CACNA1C: variants seen among roughly 807,000 people sequenced by gnomAD.
CACNA1C encodes calcium voltage-gated channel subunit alpha1 C.
In CACNA1C, 30 loss-of-function variants were observed where a neutral mutation model predicts 229.0. The observed-to-expected ratio is 0.13, with a 90% CI of 0.10 to 0.18. The LOEUF (loss-of-function observed/expected upper bound fraction) is 0.18, where lower values mean the gene tolerates loss of function less well. Ranked by LOEUF, CACNA1C falls within the 10% of genes least tolerant of loss-of-function variation. CACNA1C has a pLI of 1.00. For missense variants in CACNA1C, 1,658 were observed against 2,845.0 expected (o/e 0.58, Z 9.49); for synonymous variants, 1,114 against 1,132.5 (o/e 0.98, Z 0.33).
At chr12:2,579,885 A>G (rs1485656811) in intron 13 of CACNA1C, among the ~76,000 whole-genome samples, 1 of 152,206 alleles carries the variant, frequency 6.6e-6, no homozygotes, top group African/African-American at 2.4e-5. Flanking sequence ...AGCCACCACC[A>G]TGCCCAGCCA....
At chr12:2,272,427 G>A (rs2085487737) in intron 3 of CACNA1C, among the ~76,000 whole-genome samples, 2 of 152,032 alleles carry the variant, frequency 1.3e-5, no homozygotes, top group South Asian at 4.2e-4. Context: ...TGTCTGCCTC[G>A]TATCATCAGT....
chr12:2,606,744 G>A (rs2075558133), intron 25 of CACNA1C, 81 bp downstream of exon 25: 1 of 1,296,534 alleles, frequency 7.7e-7, no homozygotes, highest in Non-Finnish European at 1.1e-6. Flanking sequence ...AGGAGGGACA[G>A]CTCATTTTCT....
At chr12:2,674,691 C>T in intron 39 of CACNA1C, 49 bp downstream of exon 39, 1 of 1,497,574 alleles carries the variant, frequency 6.7e-7, no homozygotes, top group Non-Finnish European at 9.0e-7. Flanking sequence ...TGGCCGTGCC[C>T]CCCTCTGCCT....
chr12:2,062,711 C>T (rs2057941163), intron 1 of CACNA1C, among the ~76,000 whole-genome samples: 1 of 152,310 alleles, frequency 6.6e-6, no homozygotes, highest in Admixed American at 6.5e-5. Flanking sequence ...TCCTCACAGG[C>T]CTTCACAGAC....
At chr12:2,278,207 A>G (rs1392414044) in intron 3 of CACNA1C, among the ~76,000 whole-genome samples, 3 of 152,256 alleles carry the variant, frequency 2.0e-5, no homozygotes, top group Admixed American at 6.5e-5. Context: ...TACAATTTTC[A>G]TACATAAGAT....
At position 2,486,797 on chromosome 12, in the gene CACNA1C, AG is replaced by A. The variant is rs1461874471; in HGVS notation, c.916+536del. ...CTCCATTCACAGGCAGATGCCCCAG[AG>A]CCCCTATTCCAGGTGGGGGAGGAGG... On this transcript the variant is annotated intron_variant, in intron 6 of 46. Transcript: ENST00000399655. The surrounding 1 kb of genome is among the most constrained non-coding windows in gnomAD (Gnocchi z 4.9). Among the ~76,000 whole-genome samples the A allele has an allele frequency of 1.3e-5, 2 of 152,166 alleles. No individual in the cohort carries two copies. The highest frequency in any genetic ancestry group is 4.8e-5 in the African/African-American group (2 of 41,442).
intron 1 of CACNA1C, among the ~76,000 whole-genome samples, chr12:2,033,930 G>A (rs1214475080): frequency 6.6e-6 from 1 of 152,248 alleles, no homozygotes; most frequent in Non-Finnish European, 1.5e-5. Context: ...AGCACTGACA[G>A]AGAAAGACAG....
intron 11 of CACNA1C, among the ~76,000 whole-genome samples, chr12:2,562,273 G>A (rs892406840): frequency 6.6e-6 from 1 of 152,152 alleles, no homozygotes; most frequent in African/African-American, 2.4e-5. Flanking sequence ...GCATAATCAA[G>A]CTCTCATATT....
chr12:2,167,582 G>T (rs2096290431), intron 3 of CACNA1C, among the ~76,000 whole-genome samples: 1 of 152,182 alleles, frequency 6.6e-6, no homozygotes, highest in Admixed American at 6.5e-5. Flanking sequence ...TCTCTGATCA[G>T]TTCTATTAAT....
intron 43 of CACNA1C, among the ~76,000 whole-genome samples, chr12:2,683,101 G>A (rs902976464): frequency 1.3e-5 from 2 of 152,124 alleles, no homozygotes; most frequent in Non-Finnish European, 2.9e-5. Flanking sequence ...CCCAGAAGAG[G>A]GCACTGGTGG....
chr12:2,559,738 C>T (rs2046471454), intron 11 of CACNA1C, among the ~76,000 whole-genome samples: 1 of 152,200 alleles, frequency 6.6e-6, no homozygotes, highest in Non-Finnish European at 1.5e-5. Flanking sequence ...CTGTGCCATC[C>T]TTGTGATGAG....
rs558814760 is a variant in CACNA1C, at chr12:2,687,785, C to T, written c.5785-662C>T. Among the ~76,000 whole-genome samples, 9 of 152,278 alleles carry T rather than the reference C, an allele frequency of 5.9e-5. No homozygotes were observed. The South Asian group carries it at 1.0e-3, about 18-fold the overall frequency. ...AACTCCCGACCTCAGGTGATCTGCC[C>T]GCCTTGGCCTCCCAAAGTCCTGGGA... is the stretch of plus-strand genomic sequence containing the variant. On this transcript the variant is annotated intron_variant, in intron 45 of 46. Coordinates refer to ENST00000399655, the MANE Select transcript of CACNA1C (RefSeq NM_000719.7).
At chr12:2,204,866 C>T (rs867950007) in intron 3 of CACNA1C, among the ~76,000 whole-genome samples, 193 of 146,892 alleles carry the variant, frequency 1.3e-3, no homozygotes, top group African/African-American at 4.5e-3. Context: ...GTGGGTGCAG[C>T]GCACCAGCAT....
intron 11 of CACNA1C, among the ~76,000 whole-genome samples, chr12:2,560,050 A>C (rs1159977876): frequency 6.6e-6 from 1 of 152,188 alleles, no homozygotes; most frequent in Admixed American, 6.5e-5. Context: ...CTTACTGCCC[A>C]TCTCAGTCTG....
rs943853318 is a variant in CACNA1C, at chr12:2,181,713, C to T, written c.477+61283C>T. On this transcript the variant is annotated intron_variant, in intron 3 of 46. Transcript: ENST00000399655. This position sits in a 1 kb window ranked among gnomAD's most constrained non-coding sequence, Gnocchi z 4.0. ...GCCAGGGGACCCACATCCACGATATCGTTTTTTTACAGCTCATTACTGAAT... is the reference window on the plus strand; with the variant it reads ...GCCAGGGGACCCACATCCACGATATTGTTTTTTTACAGCTCATTACTGAAT... Among the ~76,000 whole-genome samples the T allele has an allele frequency of 1.3e-5, 2 of 152,060 alleles. No individual in the cohort carries two copies. Among genetic ancestry groups the T allele is most frequent in the African/African-American group, 2.4e-5 (1 of 41,378 alleles).
chr12:2,115,311 CG>C lies in CACNA1C; in HGVS notation c.142del (p.Ala48LeufsTer17). 6.3e-7 allele frequency: 1 copy of C among 1,594,454 alleles called. No individual in the cohort carries two copies. ...CTGGCCCCTGAGCACATCCCCACCC[CG>C]GGGGCTGCCCTGTCGTGGCAGGCGG... ...AGLAPEHIPT[P>X]GAALSWQAAI... is the part of the protein sequence containing the mutation. On this transcript the variant is annotated frameshift_variant, in exon 2 of 47. Transcript: ENST00000399655. LOFTEE classifies it high-confidence loss of function.
chr12:2,198,519 G>A (rs139528318), intron 3 of CACNA1C, among the ~76,000 whole-genome samples: 269 of 152,338 alleles, frequency 1.8e-3, no homozygotes, highest in African/African-American at 6.3e-3. Context: ...CCATGTTGAT[G>A]AGCTGCTTCT....
chr12:2,238,255 C>T (rs1421491704), intron 3 of CACNA1C, among the ~76,000 whole-genome samples: 1 of 152,092 alleles, frequency 6.6e-6, no homozygotes, highest in Non-Finnish European at 1.5e-5. Context: ...GATGGAGTGA[C>T]GAGGTAACTA....
In CACNA1C at chr12:2,344,178, A is replaced by G. The variant is rs2096939960; in HGVS notation, c.478-104798A>G. Among the ~76,000 whole-genome samples, 2 of 152,286 alleles carry G rather than the reference A, an allele frequency of 1.3e-5. 1 individual carries two copies. Among genetic ancestry groups the G allele is most frequent in the Middle Eastern group, 6.8e-3 (2 of 294 alleles). ...CCCAATAATGCCTTCTTGCGATCTCACACATCATGCTTTTAAGGCCGATTG... is the reference window on the plus strand; with the variant it reads ...CCCAATAATGCCTTCTTGCGATCTCGCACATCATGCTTTTAAGGCCGATTG... On this transcript the variant is annotated intron_variant, in intron 3 of 46. Transcript: ENST00000399655.
Sources: allele counts gnomAD v4.1 joint callset (sites outside exome capture counted in the v4.1 genomes callset), GRCh38; gene constraint gnomAD v4.1.1; non-coding constraint Gnocchi (gnomAD v3.1); transcripts MANE v1.5; gene names NCBI Gene and HGNC (gene_info 2026-07-23, HGNC 2026-07-21).